Variants in EYS observed in about 807,000 individuals in gnomAD.
EYS encodes the protein EGF-like photoreceptor maintenance factor.
Under a neutral mutation model 282.1 loss-of-function variants are expected in EYS, and 250 were observed. The observed-to-expected ratio is 0.89, with a 90% CI of 0.80 to 0.98. The LOEUF is 0.98. Among genes scored for constraint, EYS ranks in the 50% least tolerant of loss-of-function variants. The pLI, the probability that EYS is intolerant of heterozygous loss-of-function variation, is 0.00. For synonymous variants in EYS, 1,355 were observed against 1,282.9 expected (o/e 1.06, Z -1.20); for missense variants, 4,016 against 3,709.0 (o/e 1.08, Z -2.15).
At chr6:64,884,604 T>C (rs1470562362) in intron 19 of EYS, among the ~76,000 whole-genome samples, 2 of 151,156 alleles carry the variant, frequency 1.3e-5, no homozygotes, top group Non-Finnish European at 3.0e-5. Context: ...CTAAGAAAAA[T>C]AAATGCTATT....
intron 31 of EYS, among the ~76,000 whole-genome samples, chr6:64,146,429 C>T (rs186239113): frequency 6.4e-4 from 97 of 152,212 alleles, no homozygotes; most frequent in Non-Finnish European, 1.2e-3. Flanking sequence ...AAATTTGTTA[C>T]AATCTAAGTT....
At chr6:63,966,974 T>C (rs913330807) in intron 35 of EYS, among the ~76,000 whole-genome samples, 26 of 152,230 alleles carry the variant, frequency 1.7e-4, no homozygotes, top group Non-Finnish European at 3.2e-4. Flanking sequence ...ATTTTCCTTT[T>C]GGTACATACT....
chr6:65,021,403 T>A (rs1029685143), intron 13 of EYS, among the ~76,000 whole-genome samples: 1 of 152,164 alleles, frequency 6.6e-6, no homozygotes, highest in African/African-American at 2.4e-5. Context: ...TCCCAACAAG[T>A]TCCTCATCTC....
chr6:65,532,513 A>T (rs188831477), intron 2 of EYS, among the ~76,000 whole-genome samples: 1 of 152,310 alleles, frequency 6.6e-6, no homozygotes, highest in African/African-American at 2.4e-5. Context: ...TCCCTGATGC[A>T]TTATTAGTTC....
At chr6:64,974,280 A>G (rs566076601) in intron 14 of EYS, among the ~76,000 whole-genome samples, 49 of 152,008 alleles carry the variant, frequency 3.2e-4, no homozygotes, top group South Asian at 3.1e-3. Context: ...TTTGAAGACT[A>G]TTGGGTTAAC....
intron 13 of EYS, among the ~76,000 whole-genome samples, chr6:65,027,915 G>C (rs1042822344): frequency 6.6e-6 from 1 of 152,092 alleles, no homozygotes; most frequent in Middle Eastern, 3.2e-3. Context: ...TATTTCACTT[G>C]AGTAAATACT....
chr6:64,027,298 C>A (rs1435707857), intron 33 of EYS, among the ~76,000 whole-genome samples: 2 of 152,130 alleles, frequency 1.3e-5, no homozygotes, highest in African/African-American at 2.4e-5. Flanking sequence ...GGAAGAAAAT[C>A]CTTCTGCCTT....
Position 63,721,609 on chromosome 6 carries a change from C to T in EYS, c.8422G>A (p.Ala2808Thr), listed in dbSNP as rs111991705. The change falls in exon 43 of 43, where the codon GCC (alanine) becomes ACC (threonine). Residue 2808 changes from alanine (A) to threonine (T), a missense_variant. Transcript: ENST00000503581. The stretch of plus-strand genomic sequence containing the variant: ...TCCAGAGAACTCATTTTAGTGGAGG[C>T]CTTTTCTGTTACATTTATCCCATCT... The part of the protein sequence containing the change: ...DLDGINVTEK[A>T]STKMSSLDTN... 2.5e-3 allele frequency: 3,860 copies of T among 1,551,202 alleles called. 64 individuals carry two copies. Among genetic ancestry groups the T allele is most frequent in the African/African-American group, 0.021 (1,514 of 73,112 alleles).
At chr6:63,988,227 C>G (rs990378771) in intron 34 of EYS, among the ~76,000 whole-genome samples, 1 of 151,610 alleles carries the variant, frequency 6.6e-6, no homozygotes, top group African/African-American at 2.4e-5. Flanking sequence ...AAAGGATGAC[C>G]TTCCTCTCAC....
chr6:64,346,682 C>A (rs1771413870), intron 29 of EYS, among the ~76,000 whole-genome samples: 1 of 151,464 alleles, frequency 6.6e-6, no homozygotes, highest in Admixed American at 6.6e-5. Flanking sequence ...GGCGCATGTA[C>A]CCTAAAACTT....
At chr6:65,383,625 C>CT (rs1424035785) in intron 8 of EYS, among the ~76,000 whole-genome samples, 1 of 151,284 alleles carries the variant, frequency 6.6e-6, no homozygotes, top group Non-Finnish European at 1.5e-5. Flanking sequence ...TGGAAGTTCC[C>CT]TTTGTACTCT....
intron 21 of EYS, among the ~76,000 whole-genome samples, 159 bp downstream of exon 21, chr6:64,821,486 G>A (rs1764897619): frequency 6.6e-6 from 1 of 151,992 alleles, no homozygotes; most frequent in Non-Finnish European, 1.5e-5. Flanking sequence ...TTGTAGTTTT[G>A]TTTGGAGCAG....
At chr6:64,039,494 A>C (rs946494628) in intron 33 of EYS, among the ~76,000 whole-genome samples, 2 of 152,216 alleles carry the variant, frequency 1.3e-5, no homozygotes, top group African/African-American at 4.8e-5. Context: ...AGCTCTTTCC[A>C]GATTAAAGTT....
intron 2 of EYS, among the ~76,000 whole-genome samples, chr6:65,507,153 A>C (rs1002942220): frequency 9.2e-5 from 14 of 151,486 alleles, no homozygotes; most frequent in African/African-American, 3.4e-4. Flanking sequence ...TAGTCTGAGA[A>C]AGTTTTTACT....
chr6:64,631,494 C>T (rs1303954388), intron 22 of EYS: 4 of 152,156 alleles, frequency 2.6e-5, no homozygotes, highest in African/African-American at 9.6e-5. Context: ...GTTGCTGATA[C>T]TGTTCCTTTG....
chr6:65,019,594 A>G lies in EYS; in HGVS notation c.2138-21891T>C, dbSNP rs1219918991. Among the ~76,000 whole-genome samples the G allele has an allele frequency of 2.0e-5, 3 of 152,218 alleles. No individual in the cohort carries two copies. In the South Asian group the frequency reaches 6.2e-4, roughly 32 times the overall value. Reference sequence around the variant, plus strand: ...ATAAGGTATGTTAAGCATTTCAAAAAGTACCTGCCAAGCACCATATTAATT... The same window carrying G: ...ATAAGGTATGTTAAGCATTTCAAAAGGTACCTGCCAAGCACCATATTAATT... On this transcript the variant is annotated intron_variant, in intron 13 of 42. Transcript: ENST00000503581.
At chr6:64,362,266 G>GT (rs1471680802) in intron 29 of EYS, among the ~76,000 whole-genome samples, 1 of 151,642 alleles carries the variant, frequency 6.6e-6, no homozygotes, top group African/African-American at 2.4e-5. Context: ...ATAACTAAAC[G>GT]TAAGTATAGG....
intron 31 of EYS, among the ~76,000 whole-genome samples, chr6:64,096,760 T>G (rs1328738037): frequency 6.6e-5 from 10 of 152,210 alleles, no homozygotes. Flanking sequence ...TTCGTCAAAG[T>G]CATTCTCCAT....
intron 22 of EYS, among the ~76,000 whole-genome samples, chr6:64,641,750 G>A (rs1008523155): frequency 1.1e-4 from 17 of 152,132 alleles, no homozygotes; most frequent in African/African-American, 3.9e-4. Flanking sequence ...GTGGGTAAGG[G>A]AGCGTTACCT....
Sources: allele counts gnomAD v4.1 joint callset (sites outside exome capture counted in the v4.1 genomes callset), GRCh38; gene constraint gnomAD v4.1.1; transcripts MANE v1.5; gene names NCBI Gene and HGNC (gene_info 2026-07-23, HGNC 2026-07-21).